HARS1: variants seen among roughly 807,000 people sequenced by gnomAD.
HARS1 encodes histidyl-tRNA synthetase 1.
A neutral mutation model predicts 63.6 loss-of-function variants in HARS1; 45 were observed. That is an observed-to-expected ratio of 0.71 (90% CI 0.56 to 0.91). The LOEUF is 0.91. Among genes scored for constraint, HARS1 ranks in the 40% least tolerant of loss-of-function variants. HARS1 has a pLI of 0.00. For missense variants in HARS1, 508 were observed against 643.2 expected (o/e 0.79, Z 2.27); for synonymous variants, 205 against 247.1 (o/e 0.83, Z 1.60).
chr5:140,676,377 G>C lies in HARS1; in HGVS notation c.1194+277C>G, dbSNP rs1383663343. ...AATGTTAAGTATTCCGTATCATGAG[G>C]AAGATCTAAGTCTTGGATACACCAG... On this transcript the variant is annotated intron_variant, in intron 10 of 12. Transcript: ENST00000504156. The surrounding 1 kb of genome is among the most constrained non-coding windows in gnomAD (Gnocchi z 4.1). 1 of 422,324 alleles carries C rather than the reference G, an allele frequency of 2.4e-6. No individual in the cohort carries two copies. The highest frequency in any genetic ancestry group is 4.0e-5 in the Admixed American group (1 of 25,132). 26.2% of individuals were successfully genotyped at this position (422,324 alleles called of 1,614,324 possible).
In HARS1 at chr5:140,679,861, C is replaced by T; in HGVS notation, c.323G>A (p.Gly108Glu). 1 of 1,598,224 alleles carries T rather than the reference C, an allele frequency of 6.3e-7. No individual in the cohort carries two copies. Among genetic ancestry groups the T allele is most frequent in the Non-Finnish European group, 8.6e-7 (1 of 1,165,726 alleles). The change falls in exon 4 of 13, where the codon GGG becomes GAG. Residue 108 changes from glycine to glutamate, a missense_variant. Coordinates refer to ENST00000504156, the MANE Select transcript of HARS1 (RefSeq NM_002109.6). This position sits in a 1 kb window ranked among gnomAD's most constrained non-coding sequence, Gnocchi z 4.3. ...GTCATAGATAAGCTTGGAGTCTTCC[C>T]CATACTTTCCCATCAGTGTTTCCTG... ...ELKETLMGKYGEDSKLIYDLK... is the reference protein window; with the variant it reads ...ELKETLMGKYEEDSKLIYDLK...
intron 2 of HARS1, chr5:140,684,425 G>A (rs1402026718): frequency 1.2e-5 from 12 of 980,422 alleles, no homozygotes; most frequent in Non-Finnish European, 1.5e-5. Context: ...TATAAGCAAC[G>A]TTTCTCTCCC....
chr5:140,677,584 C>A, intron 7 of HARS1, 71 bp downstream of exon 7: 1 of 1,186,710 alleles, frequency 8.4e-7, no homozygotes, highest in Non-Finnish European at 1.3e-6. Context: ...CTCTCTCTCT[C>A]TCAATCTTGT....
rs750941415 is a variant in HARS1, at chr5:140,691,341, T to G, written c.-37A>C. 4.7e-6 allele frequency: 7 copies of G among 1,501,422 alleles called. No homozygotes were observed. Among genetic ancestry groups the G allele is most frequent in the East Asian group, 4.6e-5 (2 of 43,894 alleles). The allele number at this position is 1,501,422 out of a possible 1,614,324, so 93.0% of individuals were successfully genotyped here. A position where few individuals can be genotyped will look rare whatever the true frequency, so the allele number is the denominator to read the frequency against. Reference sequence around the variant, plus strand: ...ACTTGAGCCGCCTGCTGTCTCGACCTGCGGTGGTTGCCCCAGCCTCAGCAA... The same window carrying G: ...ACTTGAGCCGCCTGCTGTCTCGACCGGCGGTGGTTGCCCCAGCCTCAGCAA... On this transcript the variant is annotated 5_prime_UTR_variant, in exon 1 of 13. Transcript: ENST00000504156.
At chr5:140,690,809 T>C (rs1405592479) in intron 2 of HARS1, 46 bp downstream of exon 2, 1 of 1,050,050 alleles carries the variant, frequency 9.5e-7, no homozygotes, top group South Asian at 1.2e-5. Context: ...GCCCCGTGAG[T>C]AGAGTTAGAG....
chr5:140,676,926 GA>G lies in HARS1; in HGVS notation c.952-31del. On this transcript the variant is annotated intron_variant, in intron 9 of 12. Coordinates refer to ENST00000504156, the MANE Select transcript of HARS1 (RefSeq NM_002109.6). This position sits in a 1 kb window ranked among gnomAD's most constrained non-coding sequence, Gnocchi z 4.1. Reference sequence around the variant, plus strand: ...GGAGATAAGAAAATGGTCAGTGCCAGATTAAGATCAGGGACCTGAAGCCCCA... The same window carrying G: ...GGAGATAAGAAAATGGTCAGTGCCAGTTAAGATCAGGGACCTGAAGCCCCA... The G allele has an allele frequency of 5.6e-6, 9 of 1,613,596 alleles. No homozygotes were observed. Among genetic ancestry groups the G allele is most frequent in the Non-Finnish European group, 7.6e-6 (9 of 1,179,610 alleles).
At chr5:140,678,309 C>T (rs1758514555) in intron 5 of HARS1, 1 of 429,916 alleles carries the variant, frequency 2.3e-6, no homozygotes, top group Non-Finnish European at 4.2e-6. Flanking sequence ...CCTATTCATC[C>T]AGAAGCCCTG....
intron 3 of HARS1, among the ~76,000 whole-genome samples, chr5:140,682,237 T>A (rs57408905): frequency 0.18 from 27,678 of 151,432 alleles, 3,217 homozygotes; most frequent in East Asian, 0.31. Flanking sequence ...TTTTTTTTTT[T>A]AAAAAGGAAT....
Position 140,675,143 on chromosome 5 carries a change from G to A in HARS1, c.1195-10C>T. 6.4e-7 allele frequency: 1 copy of A among 1,557,004 alleles called. No homozygotes were observed. The highest frequency in any genetic ancestry group is 8.9e-7 in the Non-Finnish European group (1 of 1,128,334). On this transcript the variant is annotated splice_polypyrimidine_tract_variant and intron_variant, in intron 10 of 12. Coordinates refer to ENST00000504156, the MANE Select transcript of HARS1 (RefSeq NM_002109.6). ...TCTTCTCCTCCAAAGCCTGGGGAAG[G>A]GGCAGATAAAAGAGAGCTGGGCTAA...
Position 140,674,687 on chromosome 5 carries a change from T to C in HARS1, c.1450A>G (p.Arg484Gly). ...CTGCCCACCTCCCTCACCTCTTCCC[T>C]GCTCGTCACTGAACGGAGCTTGATG... ...GVIKLRSVTS[R>G]EEVDVRREDL... The change falls in exon 12 of 13, where the codon AGG (arginine) becomes GGG (glycine). Residue 484 changes from arginine to glycine, a missense_variant. Around this residue, in one of 2 missense-constraint regions of HARS1, gnomAD observed 403 missense variants for 548.7 expected, o/e 0.73. Coordinates refer to ENST00000504156, the MANE Select transcript of HARS1 (RefSeq NM_002109.6). 6.2e-7 allele frequency: 1 copy of C among 1,614,240 alleles called. No homozygotes were observed.
chr5:140,682,999 C>T (rs1758812963), intron 3 of HARS1, 101 bp downstream of exon 3: 2 of 1,091,382 alleles, frequency 1.8e-6, no homozygotes, highest in African/African-American at 1.6e-5. Flanking sequence ...GTGTCCACAA[C>T]AGGAGTGGGC....
intron 2 of HARS1, among the ~76,000 whole-genome samples, chr5:140,686,398 C>A (rs1439160055): frequency 6.6e-6 from 1 of 152,108 alleles, no homozygotes; most frequent in Non-Finnish European, 1.5e-5. Context: ...AGCTACCATA[C>A]CTGGCTAAAT....
rs1472233729 is a variant in HARS1 at position 140,675,061 on chromosome 5, C to G, written c.1267G>C (p.Glu423Gln). 6.2e-7 allele frequency: 1 copy of G among 1,613,384 alleles called. No individual in the cohort carries two copies. The highest frequency in any genetic ancestry group is 2.2e-5 in the East Asian group (1 of 44,894). ...VASAQKKLLE[E>Q]RLKLVSELWD... ...AGTTCTGAGACAAGCTTTAGTCTTTCCTCTAGCAGCTTCTTCTGTGCAGAT... is the reference window on the plus strand; with the variant it reads ...AGTTCTGAGACAAGCTTTAGTCTTTGCTCTAGCAGCTTCTTCTGTGCAGAT... The change falls in exon 11 of 13, where the codon GAA (glutamate) becomes CAA (glutamine). Residue 423 changes from glutamate (E) to glutamine (Q), a missense_variant. This residue lies in a region of HARS1 where 403 missense variants were observed against 548.7 expected (regional missense o/e 0.73). Transcript: ENST00000504156.
At position 140,674,008 on chromosome 5, in the gene HARS1, C is replaced by A. The variant is rs1460901358; in HGVS notation, c.*249G>T. On this transcript the variant is annotated 3_prime_UTR_variant, in exon 13 of 13. Transcript: ENST00000504156. ...CAGATGGGACCATCTCAGGCTGGGTCCTTGTAGCCCAGGAGCACAGACTGG... is the reference window on the plus strand; with the variant it reads ...CAGATGGGACCATCTCAGGCTGGGTACTTGTAGCCCAGGAGCACAGACTGG... 8 of 592,140 alleles carry A rather than the reference C, an allele frequency of 1.4e-5. No individual in the cohort carries two copies. Among genetic ancestry groups the A allele is most frequent in the Non-Finnish European group, 2.4e-5 (8 of 331,938 alleles). 36.7% of individuals were successfully genotyped at this position (592,140 alleles called of 1,614,324 possible).
rs1428691611 is a variant in HARS1 at position 140,674,209 on chromosome 5, C to T, written c.*48G>A. The T allele has an allele frequency of 2.5e-6, 3 of 1,196,266 alleles. No homozygotes were observed. Among genetic ancestry groups the T allele is most frequent in the African/African-American group, 1.5e-5 (1 of 67,046 alleles). 74.1% of individuals were successfully genotyped at this position (1,196,266 alleles called of 1,614,324 possible). ...AAGTACATATGCAGTTTGTCTTAACCTCAAATAGTGCCAGTCCCACTTCCT... is the reference window on the plus strand; with the variant it reads ...AAGTACATATGCAGTTTGTCTTAACTTCAAATAGTGCCAGTCCCACTTCCT... On this transcript the variant is annotated 3_prime_UTR_variant, in exon 13 of 13. Transcript: ENST00000504156.
chr5:140,688,488 C>G (rs1456791220), intron 2 of HARS1, among the ~76,000 whole-genome samples: 1 of 152,114 alleles, frequency 6.6e-6, no homozygotes, highest in Non-Finnish European at 1.5e-5. Flanking sequence ...ATTTAAAAAA[C>G]CCCAAAGACT....
In HARS1 at chr5:140,674,812, T is replaced by A. The variant is rs779176909; in HGVS notation, c.1325A>T (p.Tyr442Phe). The A allele has an allele frequency of 6.2e-7, 1 of 1,614,200 alleles. No homozygotes were observed. Among genetic ancestry groups the A allele is most frequent in the Non-Finnish European group, 8.5e-7 (1 of 1,180,036 alleles). The part of the protein sequence containing the change: ...WDAGIKAELL[Y>F]KKNPKLLNQL... ...GTTCAGTAGCTTTGGGTTCTTCTTGTACAGCAGCTCAGCCTGCAGGGGACA... is the reference window on the plus strand; with the variant it reads ...GTTCAGTAGCTTTGGGTTCTTCTTGAACAGCAGCTCAGCCTGCAGGGGACA... The change falls in exon 12 of 13, where the codon TAC (tyrosine) becomes TTC (phenylalanine). Residue 442 changes from tyrosine (Y) to phenylalanine (F), a missense_variant. Coordinates refer to ENST00000504156, the MANE Select transcript of HARS1 (RefSeq NM_002109.6).
chr5:140,690,604 T>G (rs1759348264), intron 2 of HARS1, among the ~76,000 whole-genome samples: 1 of 152,198 alleles, frequency 6.6e-6, no homozygotes, highest in Non-Finnish European at 1.5e-5. Flanking sequence ...TACACATTTA[T>G]TGAATGAACG....
intron 5 of HARS1, 102 bp from the exon 6 acceptor site, chr5:140,678,117 T>A (rs943457194): frequency 1.0e-5 from 7 of 685,074 alleles, no homozygotes; most frequent in African/African-American, 1.8e-5. Flanking sequence ...CACTCAAGCA[T>A]AGAATTTCTC....
Sources: allele counts gnomAD v4.1 joint callset (sites outside exome capture counted in the v4.1 genomes callset), GRCh38; gene constraint gnomAD v4.1.1; regional missense constraint gnomAD v4.1.1; non-coding constraint Gnocchi (gnomAD v3.1); transcripts MANE v1.5; gene names NCBI Gene and HGNC (gene_info 2026-07-23, HGNC 2026-07-21).